CHST9: variants seen among roughly 807,000 people sequenced by gnomAD.
CHST9 encodes the protein carbohydrate sulfotransferase 9, also known as GalNAc-4-sulfotransferase 2.
In CHST9, 41 loss-of-function variants were observed where a neutral mutation model predicts 44.4. That is an observed-to-expected ratio of 0.92 (90% CI 0.72 to 1.20). The LOEUF is 1.20. Among genes scored for constraint, CHST9 ranks in the 50% most tolerant of loss-of-function variants. The pLI is 0.00. For missense variants in CHST9, 504 were observed against 516.5 expected (o/e 0.98, Z 0.23); for synonymous variants, 171 against 178.4 (o/e 0.96, Z 0.33).
chr18:27,071,687 T>C (rs2057841777), intron 2 of CHST9, among the ~76,000 whole-genome samples: 1 of 152,216 alleles, frequency 6.6e-6, no homozygotes, highest in African/African-American at 2.4e-5. Context: ...ATTATCCTCA[T>C]AAATACATTG....
chr18:27,170,986 C>T (rs28774693), intron 1 of CHST9, among the ~76,000 whole-genome samples: 4,906 of 152,282 alleles, frequency 0.032, 244 homozygotes, highest in African/African-American at 0.11. Flanking sequence ...AAATAGCACA[C>T]TCTCCTACCG....
chr18:27,153,332 G>T (rs903614891), intron 1 of CHST9, among the ~76,000 whole-genome samples: 7 of 152,054 alleles, frequency 4.6e-5, no homozygotes, highest in Non-Finnish European at 7.4e-5. Context: ...AGTTCTGGAG[G>T]CCAGATGTCT....
chr18:27,161,026 C>T (rs560424096), intron 1 of CHST9, among the ~76,000 whole-genome samples: 5 of 151,586 alleles, frequency 3.3e-5, no homozygotes, highest in Admixed American at 1.3e-4. Flanking sequence ...TCTTGCTAGC[C>T]GTCTATCAAT....
chr18:27,097,189 T>C (rs2058125614), intron 2 of CHST9, among the ~76,000 whole-genome samples: 1 of 152,044 alleles, frequency 6.6e-6, no homozygotes, highest in African/African-American at 2.4e-5. Flanking sequence ...ATCATCTCAA[T>C]AGATGCAGAA....
chr18:27,045,833 C>G (rs1056204027), intron 3 of CHST9, among the ~76,000 whole-genome samples: 1 of 151,936 alleles, frequency 6.6e-6, no homozygotes, highest in Admixed American at 6.6e-5. Context: ...TCAGTGTAGA[C>G]GGACTCTAAA....
intron 4 of CHST9, among the ~76,000 whole-genome samples, chr18:26,967,687 T>C (rs1472830290): frequency 6.6e-6 from 1 of 152,198 alleles, no homozygotes; most frequent in African/African-American, 2.4e-5. Flanking sequence ...TAATATTGTG[T>C]CAACTTGATT....
intron 2 of CHST9, among the ~76,000 whole-genome samples, chr18:27,116,263 C>T (rs891030103): frequency 3.9e-5 from 6 of 152,138 alleles, no homozygotes; most frequent in African/African-American, 1.4e-4. Flanking sequence ...TAGGCTCTTA[C>T]ATTTAGGTCT....
chr18:26,917,006 A>T lies in CHST9; in HGVS notation c.585T>A (p.His195Gln). The change falls in exon 6 of 6, where the codon CAT becomes CAA. Residue 195 changes from histidine (H) to glutamine (Q), a missense_variant. His to Gln is a conservative substitution (Grantham distance 24). Coordinates refer to ENST00000618847, the MANE Select transcript of CHST9 (RefSeq NM_031422.6). ...FCKKYGGVSH[H>Q]QSHLFHTVSR... ...ATACTGTATGAAAAAGATGTGACTGATGATGACTCACCCCACCGTATTTCT... is the reference window on the plus strand; with the variant it reads ...ATACTGTATGAAAAAGATGTGACTGTTGATGACTCACCCCACCGTATTTCT... The T allele has an allele frequency of 6.2e-7, 1 of 1,613,920 alleles. No homozygotes were observed. Among genetic ancestry groups the T allele is most frequent in the Non-Finnish European group, 8.5e-7 (1 of 1,179,878 alleles).
chr18:26,999,576 A>G (rs2056925117), intron 4 of CHST9, among the ~76,000 whole-genome samples: 1 of 152,182 alleles, frequency 6.6e-6, no homozygotes, highest in African/African-American at 2.4e-5. Context: ...ATGAAACTCA[A>G]TATTTAATTT....
chr18:27,167,825 A>T (rs2058802655), intron 1 of CHST9, among the ~76,000 whole-genome samples: 1 of 152,158 alleles, frequency 6.6e-6, no homozygotes, highest in Non-Finnish European at 1.5e-5. Context: ...TCATGTGCAA[A>T]GTTGTAGTGA....
rs564515637 is a variant in CHST9, at chr18:26,910,800, T to C, written c.*5459A>G. ...TGATAGGTGGAAAAATACTCGACTT[T>C]GATTTTTTTGAAAGCTACTTTTGGA... On this transcript the variant is annotated 3_prime_UTR_variant, in exon 6 of 6. Coordinates refer to ENST00000618847, the MANE Select transcript of CHST9 (RefSeq NM_031422.6). 1 of 152,324 alleles carries C rather than the reference T, an allele frequency of 6.6e-6. No homozygotes were observed. Among genetic ancestry groups the C allele is most frequent in the East Asian group, 1.9e-4 (1 of 5,182 alleles). The allele number at this position is 152,324 out of a possible 1,614,324, so 9.4% of individuals were successfully genotyped here.
intron 2 of CHST9, among the ~76,000 whole-genome samples, chr18:27,124,554 AT>A (rs2058403594): frequency 6.6e-6 from 1 of 152,230 alleles, no homozygotes; most frequent in Admixed American, 6.5e-5. Flanking sequence ...CTAGTTTTCC[AT>A]TTAAGCACAC....
At chr18:27,118,532 G>A (rs906306805) in intron 2 of CHST9, among the ~76,000 whole-genome samples, 1 of 152,232 alleles carries the variant, frequency 6.6e-6, no homozygotes, top group African/African-American at 2.4e-5. Context: ...ATCAATCGAG[G>A]AGAGATCTGA....
At chr18:27,087,333 G>T (rs2058022796) in intron 2 of CHST9, among the ~76,000 whole-genome samples, 2 of 152,282 alleles carry the variant, frequency 1.3e-5, no homozygotes, top group African/African-American at 4.8e-5. Context: ...GACAGTATCT[G>T]TGACTTTCAG....
At chr18:26,954,686 G>C (rs3893013) in intron 4 of CHST9, among the ~76,000 whole-genome samples, 43,997 of 151,770 alleles carry the variant, frequency 0.29, 7,539 homozygotes, top group African/African-American at 0.48. Flanking sequence ...ATATTAAGAC[G>C]TCAGGAGTTC....
Position 26,916,335 on chromosome 18 carries a change from C to T in CHST9, c.1256G>A (p.Arg419Lys), listed in dbSNP as rs1424937193. ...GTCATAGATTAATTGTCTCTCAGTTCTAGTCAGATCCTTTAAATACTGTCT... is the reference window on the plus strand; with the variant it reads ...GTCATAGATTAATTGTCTCTCAGTTTTAGTCAGATCCTTTAAATACTGTCT... ...VVRQYLKDLT[R>K]TERQLIYDFY... Residue 419 changes from arginine (R) to lysine (K), a missense_variant, in exon 6 of 6, where the codon AGA becomes AAA. Coordinates refer to ENST00000618847, the MANE Select transcript of CHST9 (RefSeq NM_031422.6). 3.7e-6 allele frequency: 6 copies of T among 1,612,338 alleles called. No homozygotes were observed. Among genetic ancestry groups the T allele is most frequent in the Non-Finnish European group, 4.2e-6 (5 of 1,178,472 alleles).
At chr18:27,105,579 G>T (rs1262098068) in intron 2 of CHST9, among the ~76,000 whole-genome samples, 1 of 152,158 alleles carries the variant, frequency 6.6e-6, no homozygotes, top group Non-Finnish European at 1.5e-5. Context: ...GAAAAGGAAA[G>T]AAACTTTTGA....
intron 5 of CHST9, among the ~76,000 whole-genome samples, chr18:26,920,087 C>G (rs921441817): frequency 7.9e-5 from 12 of 152,202 alleles, no homozygotes; most frequent in Non-Finnish European, 1.3e-4. Context: ...TAACTCAGCT[C>G]CTGTCATTAC....
At position 26,910,014 on chromosome 18, in the gene CHST9, G is replaced by C. The variant is rs1355766444; in HGVS notation, c.*6245C>G. 1 of 152,158 alleles carries C rather than the reference G, an allele frequency of 6.6e-6. No homozygotes were observed. Among genetic ancestry groups the C allele is most frequent in the African/African-American group, 2.4e-5 (1 of 41,426 alleles). The allele number at this position is 152,158 out of a possible 1,614,324, so 9.4% of individuals were successfully genotyped here. On this transcript the variant is annotated 3_prime_UTR_variant, in exon 6 of 6. Coordinates refer to ENST00000618847, the MANE Select transcript of CHST9 (RefSeq NM_031422.6). Reference sequence around the variant, plus strand: ...TGCAAAACAGAAGAGATTTTTGGATGAAGGTTATAGAACAGCAGTCTAGAG... The same window carrying C: ...TGCAAAACAGAAGAGATTTTTGGATCAAGGTTATAGAACAGCAGTCTAGAG...
Sources: gnomAD v4.1 joint callset for allele counts (sites outside exome capture counted in the v4.1 genomes callset) on GRCh38, gnomAD v4.1.1 for gene constraint, MANE v1.5 for transcripts, NCBI Gene and HGNC (gene_info 2026-07-23, HGNC 2026-07-21) for gene names.